Variants in BAZ2B observed in about 807,000 individuals in gnomAD.
BAZ2B encodes the protein bromodomain adjacent to zinc finger domain protein 2B.
Under a neutral mutation model 246.0 loss-of-function variants are expected in BAZ2B, and 91 were observed. That is an observed-to-expected ratio of 0.37 (90% CI 0.31 to 0.44). The LOEUF (loss-of-function observed/expected upper bound fraction) is 0.44. BAZ2B is among the 20% of genes least tolerant of loss of function. The probability of loss-of-function intolerance (pLI) is 1.00; values close to 1 mark genes in which losing one functional copy is unlikely to be tolerated. For synonymous variants in BAZ2B, 855 were observed against 860.0 expected (o/e 0.99, Z 0.10); for missense variants, 2,332 against 2,533.7 (o/e 0.92, Z 1.71).
At chr2:159,672,709 A>C in the BAZ2B span, among the ~76,000 whole-genome samples, 9 of 152,220 alleles carry the variant, frequency 5.9e-5, no homozygotes, top group African/African-American at 2.2e-4. Flanking sequence ...ACTGACAAGT[A>C]TAGATTTAGA....
chr2:159,317,709 G>A (rs1558911524), downstream of BAZ2B, among the ~76,000 whole-genome samples: 1 of 151,958 alleles, frequency 6.6e-6, no homozygotes, highest in Non-Finnish European at 1.5e-5. Context: ...AGGAAAATAT[G>A]TTGTATATAC....
chr2:159,341,335 T>C (rs1257930182), intron 31 of BAZ2B, among the ~76,000 whole-genome samples: 1 of 152,086 alleles, frequency 6.6e-6, no homozygotes, highest in Non-Finnish European at 1.5e-5. Context: ...GAGAATACAA[T>C]AATTGTAAAT....
the BAZ2B span, among the ~76,000 whole-genome samples, chr2:159,651,269 T>A: frequency 6.6e-6 from 1 of 152,230 alleles, no homozygotes; most frequent in Non-Finnish European, 1.5e-5. Context: ...TAGAGCCTTC[T>A]GATTATTACA....
chr2:159,685,702 G>A, the BAZ2B span, among the ~76,000 whole-genome samples: 2 of 151,554 alleles, frequency 1.3e-5, no homozygotes, highest in Admixed American at 1.3e-4. Context: ...ACAAATAATG[G>A]CATTATTACA....
intron 1 of BAZ2B, among the ~76,000 whole-genome samples, chr2:159,577,690 A>T (rs1456469003): frequency 6.6e-6 from 1 of 152,148 alleles, no homozygotes; most frequent in Non-Finnish European, 1.5e-5. Context: ...ATGTGACAAG[A>T]CTCAAGAATA....
At position 159,606,149 on chromosome 2, in the gene BAZ2B, T is replaced by C. The variant is rs17606020; in HGVS notation, c.-46+10093A>G. On this transcript the variant is annotated intron_variant, in intron 1 of 36. Transcript: ENST00000392783. ...TACACTACTATGGACAAAATCTTGATATGTTCCAAAAGGACTTGATTACAT... is the reference window on the plus strand; with the variant it reads ...TACACTACTATGGACAAAATCTTGACATGTTCCAAAAGGACTTGATTACAT... Among the ~76,000 whole-genome samples, 448 of 152,362 alleles carry C rather than the reference T, an allele frequency of 2.9e-3. 13 individuals carry two copies. The East Asian group carries it at 0.071, about 24-fold the overall frequency.
At chr2:159,339,262 G>A (rs1388331175) in intron 31 of BAZ2B, among the ~76,000 whole-genome samples, 2 of 152,064 alleles carry the variant, frequency 1.3e-5, no homozygotes, top group Non-Finnish European at 2.9e-5. Flanking sequence ...ATACGGCACT[G>A]AGACGATCAC....
the BAZ2B span, among the ~76,000 whole-genome samples, chr2:159,641,125 A>G: frequency 6.6e-6 from 1 of 152,120 alleles, no homozygotes; most frequent in African/African-American, 2.4e-5. Context: ...GAAAATCTAG[A>G]AGAAATGATT....
the BAZ2B span, among the ~76,000 whole-genome samples, chr2:159,682,860 G>GC: frequency 6.6e-6 from 1 of 151,794 alleles, no homozygotes; most frequent in East Asian, 1.9e-4. Context: ...ATGAAAAAAA[G>GC]CACCATTTCT....
intron 27 of BAZ2B, among the ~76,000 whole-genome samples, chr2:159,352,687 T>C (rs2058689223): frequency 6.6e-6 from 1 of 152,186 alleles, no homozygotes; most frequent in African/African-American, 2.4e-5. Context: ...GGTTTCACTA[T>C]GTTGCCAGGC....
At chr2:159,701,362 TGAA>T in the BAZ2B span, among the ~76,000 whole-genome samples, 1 of 151,978 alleles carries the variant, frequency 6.6e-6, no homozygotes, top group Admixed American at 6.6e-5. Flanking sequence ...TAAATAATAA[TGAA>T]GGCCACTCTA....
At chr2:159,619,584 T>G (rs144449640), upstream of BAZ2B, among the ~76,000 whole-genome samples, 1 of 150,922 alleles carries the variant, frequency 6.6e-6, no homozygotes, top group Non-Finnish European at 1.5e-5. Flanking sequence ...ATATTTAAAA[T>G]TATTTAATGT....
intron 1 of BAZ2B, among the ~76,000 whole-genome samples, chr2:159,566,538 T>C (rs2151533686): frequency 6.6e-6 from 1 of 152,330 alleles, no homozygotes; most frequent in Middle Eastern, 3.4e-3. Context: ...GAATTTTCAG[T>C]ATCCCTGAAT....
the BAZ2B span, among the ~76,000 whole-genome samples, chr2:159,701,662 CATATTTT>C: frequency 1.5e-4 from 22 of 147,288 alleles, no homozygotes; most frequent in Middle Eastern, 7.2e-3. Flanking sequence ...TTTTATAATA[CATATTTT>C]ATATTTTATA....
At chr2:159,661,460 GAA>G in the BAZ2B span, among the ~76,000 whole-genome samples, 1 of 152,114 alleles carries the variant, frequency 6.6e-6, no homozygotes, top group Non-Finnish European at 1.5e-5. Context: ...AAATTCCCAA[GAA>G]AAGAGTGAAT....
intron 2 of BAZ2B, among the ~76,000 whole-genome samples, chr2:159,549,256 G>A (rs2087798079): frequency 6.6e-6 from 1 of 152,134 alleles, no homozygotes; most frequent in Non-Finnish European, 1.5e-5. Flanking sequence ...ACTCCAGCCT[G>A]GGCAACAGAA....
chr2:159,599,935 CAAAA>C (rs11303439), intron 1 of BAZ2B, among the ~76,000 whole-genome samples: 2 of 101,580 alleles, frequency 2.0e-5, no homozygotes, highest in Admixed American at 1.1e-4. Flanking sequence ...GACTCCTTCT[CAAAA>C]AAAAAAAAAA....
intron 1 of BAZ2B, among the ~76,000 whole-genome samples, chr2:159,596,157 G>C (rs984431915): frequency 4.6e-5 from 7 of 152,110 alleles, no homozygotes; most frequent in African/African-American, 1.7e-4. Flanking sequence ...TGTGCATTTT[G>C]GTCTCCTGGC....
the BAZ2B span, among the ~76,000 whole-genome samples, chr2:159,630,795 A>C: frequency 1.3e-5 from 2 of 152,070 alleles, no homozygotes; most frequent in African/African-American, 2.4e-5. Context: ...CGGCCTCCCA[A>C]AGTGCTGGGA....
Sources: allele counts gnomAD v4.1 joint callset (sites outside exome capture counted in the v4.1 genomes callset), GRCh38; gene constraint gnomAD v4.1.1; transcripts MANE v1.5; gene names NCBI Gene and HGNC (gene_info 2026-07-23, HGNC 2026-07-21).